Variants in FAM219A observed in about 807,000 individuals in gnomAD.
The protein encoded by FAM219A is protein FAM219A.
FAM219A carries 7 observed loss-of-function variants against 23.4 expected under a neutral mutation model. The observed-to-expected ratio is 0.30, with a 90% confidence interval of 0.17 to 0.56. FAM219A has a LOEUF of 0.56. FAM219A is among the 20% of genes least tolerant of loss of function. The pLI is 0.92. For missense variants in FAM219A, 166 were observed against 246.9 expected (o/e 0.67, Z 2.20); for synonymous variants, 93 against 99.0 (o/e 0.94, Z 0.36).
At chr9:34,416,336 G>A (rs978758568) in intron 1 of FAM219A, among the ~76,000 whole-genome samples, 7 of 126,076 alleles carry the variant, frequency 5.6e-5, no homozygotes, top group African/African-American at 1.2e-4. Context: ...GGAAGGAAGC[G>A]GAGAGAAAAG....
chr9:34,406,851 G>A (rs1821653789), intron 1 of FAM219A, among the ~76,000 whole-genome samples: 1 of 147,442 alleles, frequency 6.8e-6, no homozygotes, highest in Admixed American at 6.9e-5. Context: ...TGCCCAGGCT[G>A]GAGTGCAGTG....
At chr9:34,445,296 G>C (rs1258841412) in intron 1 of FAM219A, among the ~76,000 whole-genome samples, 1 of 152,198 alleles carries the variant, frequency 6.6e-6, no homozygotes. Context: ...TTGTCAAGGA[G>C]ATCAAAGGGG....
chr9:34,442,943 A>G (rs1255139198), intron 1 of FAM219A, among the ~76,000 whole-genome samples: 2 of 152,170 alleles, frequency 1.3e-5, no homozygotes, highest in African/African-American at 4.8e-5. Flanking sequence ...AAATTATTAA[A>G]TTTAATTCAA....
chr9:34,406,995 G>A (rs546660515), intron 1 of FAM219A, among the ~76,000 whole-genome samples: 7 of 152,090 alleles, frequency 4.6e-5, no homozygotes, highest in Non-Finnish European at 7.4e-5. Flanking sequence ...TAGAGACGGG[G>A]TTTCACCATA....
intron 1 of FAM219A, among the ~76,000 whole-genome samples, chr9:34,444,768 C>T (rs1823312040): frequency 2.0e-5 from 3 of 152,182 alleles, no homozygotes; most frequent in African/African-American, 4.8e-5. Flanking sequence ...TGAGTTCAAA[C>T]ATCACTTTCT....
At chr9:34,423,503 A>G (rs181551402) in intron 1 of FAM219A, among the ~76,000 whole-genome samples, 36 of 152,346 alleles carry the variant, frequency 2.4e-4, no homozygotes, top group African/African-American at 8.2e-4. Flanking sequence ...TAGGGGACGA[A>G]GTGGCAGGTG....
intron 1 of FAM219A, among the ~76,000 whole-genome samples, chr9:34,408,559 T>A (rs1821722067): frequency 6.6e-6 from 1 of 152,220 alleles, no homozygotes; most frequent in Non-Finnish European, 1.5e-5. Context: ...ATGTCACATA[T>A]ACCACATCCA....
intron 1 of FAM219A, among the ~76,000 whole-genome samples, chr9:34,420,700 C>A (rs1009341906): frequency 6.6e-6 from 1 of 151,936 alleles, no homozygotes; most frequent in East Asian, 1.9e-4. Context: ...AAAGACCAGG[C>A]GTGGTGGCTC....
rs1588023976 is a variant in FAM219A at position 34,398,370 on chromosome 9, G to C, written c.*2594C>G. 6.4e-7 allele frequency: 1 copy of C among 1,550,626 alleles called. No individual in the cohort carries two copies. On this transcript the variant is annotated 3_prime_UTR_variant, in exon 6 of 6. Transcript: ENST00000651358. ...CTGGGTGGCAGCCACAGCTGAGAGA[G>C]GAGGGAGTGTTAAGGCAGTATCTAC...
intron 1 of FAM219A, among the ~76,000 whole-genome samples, chr9:34,455,805 G>C (rs1823708892): frequency 1.3e-5 from 2 of 152,256 alleles, no homozygotes; most frequent in South Asian, 4.1e-4. Flanking sequence ...AATACAACCT[G>C]GGGACAGAGG....
intron 2 of FAM219A, among the ~76,000 whole-genome samples, chr9:34,404,272 G>A (rs961092665): frequency 6.6e-6 from 1 of 152,178 alleles, no homozygotes; most frequent in Non-Finnish European, 1.5e-5. Flanking sequence ...CAGAAAATGT[G>A]CACAATATGA....
rs982939627 is a variant in FAM219A at position 34,417,150 on chromosome 9, C to T, written c.61-11186G>A. Among the ~76,000 whole-genome samples the T allele has an allele frequency of 2.0e-5, 3 of 151,462 alleles. No homozygotes were observed. The highest frequency in any genetic ancestry group is 4.4e-5 in the Non-Finnish European group (3 of 67,868). ...AGGCTGGAGTGCAGTGGTGTGATCT[C>T]GGCTCACTGCCTCAGCCTCCTGAGT... is the stretch of plus-strand genomic sequence containing the variant. On this transcript the variant is annotated intron_variant, in intron 1 of 5. Transcript: ENST00000651358. This position sits in a 1 kb window ranked among gnomAD's most constrained non-coding sequence, Gnocchi z 4.1.
chr9:34,402,370 C>G lies in FAM219A; in HGVS notation c.344+17G>C, dbSNP rs1274034679. On this transcript the variant is annotated intron_variant, in intron 4 of 5. Coordinates refer to ENST00000651358, the MANE Select transcript of FAM219A (RefSeq NM_001184940.2). ...TTCCTTTGGGCTGCCCAGCTACCCC[C>G]AAGCCCCCATACACACCTGTCCGTG... The G allele has an allele frequency of 6.2e-6, 10 of 1,614,094 alleles. No individual in the cohort carries two copies. The East Asian group carries it at 1.8e-4, about 29-fold the overall frequency.
chr9:34,414,689 G>A (rs1334695849), intron 1 of FAM219A, among the ~76,000 whole-genome samples: 2 of 152,178 alleles, frequency 1.3e-5, no homozygotes, highest in Non-Finnish European at 2.9e-5. Flanking sequence ...TTACAAATGG[G>A]GGAGAACAGA....
intron 1 of FAM219A, among the ~76,000 whole-genome samples, chr9:34,407,014 GCTGGTCTCGAACTC>G (rs1821660870): frequency 2.6e-5 from 4 of 152,092 alleles, no homozygotes; most frequent in Admixed American, 2.6e-4. Context: ...TATTGGCCAG[GCTGGTCTCGAACTC>G]CTGACCTCAT....
chr9:34,402,607 G>C (rs749212126), intron 3 of FAM219A, 98 bp downstream of exon 3: 22 of 1,553,622 alleles, frequency 1.4e-5, no homozygotes, highest in Non-Finnish European at 1.8e-5. Context: ...TCTCAGAGAG[G>C]AGCTGGGCCT....
intron 1 of FAM219A, among the ~76,000 whole-genome samples, chr9:34,442,305 C>G (rs1160457125): frequency 2.6e-5 from 4 of 152,158 alleles, no homozygotes; most frequent in Admixed American, 6.6e-5. Context: ...GGACAAAGGA[C>G]TGAACTTTTT....
chr9:34,411,539 C>T (rs960240134), intron 1 of FAM219A, among the ~76,000 whole-genome samples: 2 of 151,466 alleles, frequency 1.3e-5, no homozygotes, highest in Admixed American at 6.6e-5. Flanking sequence ...TAGCCAGGCA[C>T]GGTGGTGGGC....
chr9:34,402,552 T>C, intron 3 of FAM219A, 85 bp from the exon 4 acceptor site: 7 of 1,580,270 alleles, frequency 4.4e-6, no homozygotes, highest in Non-Finnish European at 5.2e-6. Context: ...GTCCCACCAC[T>C]TTCTTCCCTC....
Sources: gnomAD v4.1 joint callset for allele counts (sites outside exome capture counted in the v4.1 genomes callset) on GRCh38, gnomAD v4.1.1 for gene constraint, Gnocchi (gnomAD v3.1) non-coding constraint, MANE v1.5 for transcripts, NCBI Gene and HGNC (gene_info 2026-07-23, HGNC 2026-07-21) for gene names.